Variants in LPIN2 observed in about 807,000 individuals in gnomAD.
The protein encoded by LPIN2 is phosphatidate phosphatase LPIN2.
A neutral mutation model predicts 111.4 loss-of-function variants in LPIN2; 55 were observed. The observed-to-expected ratio is 0.49, with a 90% CI of 0.40 to 0.62. The LOEUF (loss-of-function observed/expected upper bound fraction) is 0.62, where lower values mean the gene tolerates loss of function less well. LPIN2 is among the 20% of genes least tolerant of loss of function. LPIN2 has a pLI of 0.00. For missense variants in LPIN2, 992 were observed against 1,112.1 expected, an observed-to-expected ratio of 0.89 and a Z score of 1.54; for synonymous variants, 425 against 414.0, an observed-to-expected ratio of 1.03 and a Z score of -0.32.
intron 1 of LPIN2, among the ~76,000 whole-genome samples, chr18:2,972,144 A>G (rs1567845475): frequency 1.3e-5 from 2 of 152,224 alleles, no homozygotes; most frequent in African/African-American, 4.8e-5. Flanking sequence ...GTTCAGACCA[A>G]TACTTTCCTC....
intron 1 of LPIN2, among the ~76,000 whole-genome samples, chr18:2,966,839 A>G (rs2077811107): frequency 2.6e-5 from 4 of 152,220 alleles, no homozygotes. Context: ...GCTTACGGAC[A>G]GAGGTTAAAA....
Position 2,925,470 on chromosome 18 carries a change from T to C in LPIN2, c.1794-102A>G. Reference sequence around the variant, plus strand: ...AAATAAAGATATCCTAAATCTTTTCTAGGAATGGGTAGAGTTATCCCTTCT... The same window carrying C: ...AAATAAAGATATCCTAAATCTTTTCCAGGAATGGGTAGAGTTATCCCTTCT... On this transcript the variant is annotated intron_variant, in intron 13 of 19. Coordinates refer to ENST00000677752, the MANE Select transcript of LPIN2 (RefSeq NM_001375808.2). The surrounding 1 kb of genome is among the most constrained non-coding windows in gnomAD (Gnocchi z 4.1). 1.4e-6 allele frequency: 2 copies of C among 1,466,852 alleles called. No homozygotes were observed. Among genetic ancestry groups the C allele is most frequent in the Admixed American group, 1.7e-5 (1 of 58,252 alleles). 90.9% of individuals were successfully genotyped at this position (1,466,852 alleles called of 1,614,324 possible). A position where few individuals can be genotyped will look rare whatever the true frequency, so the allele number is the denominator to read the frequency against.
At chr18:2,991,633 G>C (rs2078266696) in intron 1 of LPIN2, among the ~76,000 whole-genome samples, 1 of 152,098 alleles carries the variant, frequency 6.6e-6, no homozygotes, top group Non-Finnish European at 1.5e-5. Context: ...GACTGCTTGA[G>C]CCTAAGAGGT....
chr18:2,955,276 C>T (rs138233544), intron 2 of LPIN2, among the ~76,000 whole-genome samples: 163 of 152,230 alleles, frequency 1.1e-3, no homozygotes, highest in African/African-American at 3.4e-3. Flanking sequence ...TGTACAAGCA[C>T]GGCGTTGGCA....
chr18:3,000,030 G>T (rs111233607), intron 1 of LPIN2, among the ~76,000 whole-genome samples: 1,924 of 142,870 alleles, frequency 0.013, 55 homozygotes, highest in African/African-American at 0.047. Context: ...TCTCTGTTTT[G>T]TTTTTTTTTT....
At chr18:2,942,580 T>C (rs146734758) in intron 4 of LPIN2, among the ~76,000 whole-genome samples, 15 of 152,280 alleles carry the variant, frequency 9.9e-5, no homozygotes, top group South Asian at 4.1e-4. Context: ...TAGTAAAATA[T>C]TGAAAAAGCG....
At chr18:2,921,147 A>C in intron 18 of LPIN2, 1 of 565,790 alleles carries the variant, frequency 1.8e-6, no homozygotes, top group Non-Finnish European at 3.1e-6. Flanking sequence ...TCTTCTGCAC[A>C]CCTGAGGCCC....
rs2078179648 is a variant in LPIN2 at position 2,985,865 on chromosome 18, A to G, written c.-9-25016T>C. 2.6e-5 allele frequency among the ~76,000 whole-genome samples: 4 copies of G among 152,356 alleles called. No homozygotes were observed. In the South Asian group the frequency reaches 8.3e-4, roughly 32 times the overall value. On this transcript the variant is annotated intron_variant, in intron 1 of 19. Coordinates refer to ENST00000677752, the MANE Select transcript of LPIN2 (RefSeq NM_001375808.2). ...ACAACACCTTGCTCCTGGATTACCA[A>G]TGAAGATGTGACAAAACTAAGTTTT...
intron 1 of LPIN2, among the ~76,000 whole-genome samples, chr18:2,987,512 T>C (rs1440881249): frequency 2.0e-5 from 3 of 152,202 alleles, no homozygotes; most frequent in African/African-American, 7.2e-5. Context: ...TTGACTTATT[T>C]TTTTCCACGT....
In LPIN2 at chr18:2,945,557, T is replaced by C. The variant is rs1289256714; in HGVS notation, c.591-4845A>G. The C allele has an allele frequency of 3.4e-6, 5 of 1,463,026 alleles. No homozygotes were observed. The African/African-American group carries it at 7.0e-5, about 20-fold the overall frequency. 90.6% of individuals were successfully genotyped at this position (1,463,026 alleles called of 1,614,324 possible). A position where few individuals can be genotyped will look rare whatever the true frequency, so the allele number is the denominator to read the frequency against. ...CTCCCATCTCCCACTCAATCTGCTG[T>C]GTCGTCTTTTTGTTTTTCCTGCTTT... is the stretch of plus-strand genomic sequence containing the variant. On this transcript the variant is annotated intron_variant, in intron 4 of 19. Transcript: ENST00000677752.
chr18:2,964,420 C>A (rs2077761201), intron 1 of LPIN2, among the ~76,000 whole-genome samples: 1 of 151,858 alleles, frequency 6.6e-6, no homozygotes, highest in African/African-American at 2.4e-5. Context: ...GGAGACAGGG[C>A]CTTTGGGAAG....
chr18:2,937,722 C>G lies in LPIN2; in HGVS notation c.1138G>C (p.Ala380Pro). ...TTCTTTGACGGCGAGTCTACTTTAG[C>G]TGCCGGTTTGGATTCTGAGGGCGCC... ...AEAPSESKPA[A>P]KVDSPSKKKG... Residue 380 changes from alanine (A) to proline (P), a missense_variant, in exon 7 of 20, where the codon GCT becomes CCT. By Grantham distance (27) the Ala-to-Pro change is conservative. Coordinates refer to ENST00000677752, the MANE Select transcript of LPIN2 (RefSeq NM_001375808.2). 1 of 1,614,082 alleles carries G rather than the reference C, an allele frequency of 6.2e-7. No individual in the cohort carries two copies. The highest frequency in any genetic ancestry group is 8.5e-7 in the Non-Finnish European group (1 of 1,180,032).
intron 1 of LPIN2, among the ~76,000 whole-genome samples, chr18:2,966,433 C>A (rs1197780736): frequency 6.6e-6 from 1 of 152,152 alleles, no homozygotes; most frequent in South Asian, 2.1e-4. Context: ...CACAGATACC[C>A]ATGGATTTGG....
intron 1 of LPIN2, among the ~76,000 whole-genome samples, chr18:2,996,979 T>TTG (rs2078354590): frequency 1.7e-5 from 1 of 60,000 alleles, no homozygotes; most frequent in African/African-American, 6.0e-5. Flanking sequence ...TTTTGGAGGC[T>TTG]TGTATTTTTC....
chr18:2,962,241 C>T (rs931418158), intron 1 of LPIN2, among the ~76,000 whole-genome samples: 13 of 152,164 alleles, frequency 8.5e-5, no homozygotes, highest in Admixed American at 8.5e-4. Context: ...TAATTTTACC[C>T]TGGAAGAAAT....
chr18:2,947,985 T>A (rs191238156), intron 4 of LPIN2, among the ~76,000 whole-genome samples: 14 of 152,352 alleles, frequency 9.2e-5, no homozygotes, highest in African/African-American at 3.4e-4. Flanking sequence ...CCCTGAGCGA[T>A]GAAGAGGCTA....
At chr18:2,964,422 T>C (rs1280616133) in intron 1 of LPIN2, among the ~76,000 whole-genome samples, 1 of 151,966 alleles carries the variant, frequency 6.6e-6, no homozygotes, top group Admixed American at 6.6e-5. Context: ...AGACAGGGCC[T>C]TTGGGAAGTA....
At chr18:2,940,479 A>G in intron 5 of LPIN2, 126 bp downstream of exon 5, 1 of 640,016 alleles carries the variant, frequency 1.6e-6, no homozygotes, top group Admixed American at 2.8e-5. Context: ...TTATGTTACA[A>G]GTAAACATTC....
chr18:2,937,805 C>T lies in LPIN2; in HGVS notation c.1055G>A (p.Ser352Asn). Residue 352 changes from serine (S) to asparagine (N), a missense_variant, in exon 7 of 20, where the codon AGT (serine) becomes AAT (asparagine). Ser to Asn is a conservative substitution (Grantham distance 46, BLOSUM62 1). Transcript: ENST00000677752. ...VAELLEPPLE[S>N]TQISSMLDAD... is the part of the protein sequence containing the mutation. ...ATCTAACATAGATGAAATCTGAGTACTCTCAAGAGGAGGTTCGAGAAGCTC... is the reference window on the plus strand; with the variant it reads ...ATCTAACATAGATGAAATCTGAGTATTCTCAAGAGGAGGTTCGAGAAGCTC... 1 of 1,614,100 alleles carries T rather than the reference C, an allele frequency of 6.2e-7. No individual in the cohort carries two copies. Among genetic ancestry groups the T allele is most frequent in the Non-Finnish European group, 8.5e-7 (1 of 1,180,018 alleles).
Sources: gnomAD v4.1 joint callset for allele counts (sites outside exome capture counted in the v4.1 genomes callset) on GRCh38, gnomAD v4.1.1 for gene constraint, Gnocchi (gnomAD v3.1) non-coding constraint, MANE v1.5 for transcripts, NCBI Gene and HGNC (gene_info 2026-07-23, HGNC 2026-07-21) for gene names.